Variants in CTNNA3 observed in about 807,000 individuals in gnomAD.
CTNNA3 encodes the protein catenin alpha-3.
Under a neutral mutation model 95.7 loss-of-function variants are expected in CTNNA3, and 76 were observed. The ratio of observed to expected loss-of-function variants is 0.79; its 90% CI spans 0.66 to 0.96. CTNNA3 has a LOEUF of 0.96. Among genes scored for constraint, CTNNA3 ranks in the 40% least tolerant of loss-of-function variants. The pLI, the probability that CTNNA3 is intolerant of heterozygous loss-of-function variation, is 0.00. For synonymous variants in CTNNA3, 431 were observed against 374.4 expected (o/e 1.15, Z -1.74); for missense variants, 1,191 against 1,089.8 (o/e 1.09, Z -1.31).
intron 7 of CTNNA3, among the ~76,000 whole-genome samples, chr10:66,902,252 G>C (rs1806283965): frequency 6.6e-6 from 1 of 152,166 alleles, no homozygotes; most frequent in Non-Finnish European, 1.5e-5. Flanking sequence ...CAGCTACATG[G>C]AAACTGAGCA....
intron 11 of CTNNA3, among the ~76,000 whole-genome samples, chr10:66,509,790 T>C (rs1648476753): frequency 6.6e-6 from 1 of 152,030 alleles, no homozygotes; most frequent in Non-Finnish European, 1.5e-5. Flanking sequence ...GTATTATATT[T>C]TGAACTATCT....
intron 13 of CTNNA3, among the ~76,000 whole-genome samples, chr10:66,105,008 T>C (rs2081829485): frequency 6.6e-6 from 1 of 152,232 alleles, no homozygotes; most frequent in African/African-American, 2.4e-5. Context: ...TAAACAGCAC[T>C]TTCTTTGTTC....
intron 11 of CTNNA3, among the ~76,000 whole-genome samples, chr10:66,457,772 G>A (rs1477257735): frequency 1.3e-5 from 2 of 152,042 alleles, no homozygotes; most frequent in African/African-American, 2.4e-5. Flanking sequence ...ATGTGATGAT[G>A]TATCATCAGT....
intron 14 of CTNNA3, among the ~76,000 whole-genome samples, chr10:66,098,336 C>A (rs1379585446): frequency 1.3e-5 from 2 of 152,090 alleles, no homozygotes; most frequent in South Asian, 2.1e-4. Flanking sequence ...GCCAAAAGAC[C>A]TGCGATTTGG....
At chr10:66,801,760 A>T (rs1841441019) in intron 7 of CTNNA3, among the ~76,000 whole-genome samples, 1 of 151,650 alleles carries the variant, frequency 6.6e-6, no homozygotes, top group African/African-American at 2.4e-5. Context: ...GCCAATTCTA[A>T]TTTTATGTGG....
At chr10:67,458,941 A>G (rs1392254766) in intron 5 of CTNNA3, among the ~76,000 whole-genome samples, 2 of 152,184 alleles carry the variant, frequency 1.3e-5, no homozygotes, top group African/African-American at 4.8e-5. Context: ...GACTTTCTCA[A>G]ACAACACTTT....
At chr10:67,171,791 A>G (rs1862033557) in intron 7 of CTNNA3, among the ~76,000 whole-genome samples, 1 of 152,116 alleles carries the variant, frequency 6.6e-6, no homozygotes, top group Non-Finnish European at 1.5e-5. Flanking sequence ...AGATAAATTA[A>G]TATATTTCAA....
At chr10:66,990,759 C>T (rs184584949) in intron 7 of CTNNA3, among the ~76,000 whole-genome samples, 6 of 152,278 alleles carry the variant, frequency 3.9e-5, no homozygotes, top group Admixed American at 3.3e-4. Flanking sequence ...TGTCTCACTA[C>T]TTGATAATGT....
At chr10:66,749,202 CAAAAAA>C (rs35568730) in intron 9 of CTNNA3, among the ~76,000 whole-genome samples, 13 of 50,884 alleles carry the variant, frequency 2.6e-4, no homozygotes, top group Admixed American at 2.1e-3. Flanking sequence ...AACTCCAACT[CAAAAAA>C]AAAAAAAAAA....
At chr10:66,007,020 C>T (rs1241024990) in intron 15 of CTNNA3, among the ~76,000 whole-genome samples, 1 of 152,052 alleles carries the variant, frequency 6.6e-6, no homozygotes, top group Non-Finnish European at 1.5e-5. Flanking sequence ...TGGCATGCCC[C>T]CCGCACCCCC....
chr10:67,570,166 A>C (rs1841935463), intron 3 of CTNNA3, among the ~76,000 whole-genome samples: 1 of 151,914 alleles, frequency 6.6e-6, no homozygotes, highest in African/African-American at 2.4e-5. Flanking sequence ...TTCGACATTT[A>C]TTTACTCATC....
At chr10:66,810,440 C>A (rs1224312291) in intron 7 of CTNNA3, among the ~76,000 whole-genome samples, 1 of 152,128 alleles carries the variant, frequency 6.6e-6, no homozygotes, top group Non-Finnish European at 1.5e-5. Flanking sequence ...AACCCCACAT[C>A]CAATCTGTCC....
chr10:67,353,212 C>T (rs1333414485), intron 5 of CTNNA3, among the ~76,000 whole-genome samples: 2 of 151,880 alleles, frequency 1.3e-5, no homozygotes, highest in Admixed American at 1.3e-4. Flanking sequence ...AGATTAGGTG[C>T]CATACAAGAC....
At chr10:66,882,567 G>A (rs150547922) in intron 7 of CTNNA3, among the ~76,000 whole-genome samples, 111 of 152,218 alleles carry the variant, frequency 7.3e-4, no homozygotes, top group African/African-American at 2.6e-3. Context: ...TTCCACCAAA[G>A]CAACATGGTA....
chr10:67,087,227 A>G (rs1342677913), intron 7 of CTNNA3, among the ~76,000 whole-genome samples: 1 of 152,046 alleles, frequency 6.6e-6, no homozygotes, highest in Non-Finnish European at 1.5e-5. Context: ...TTGGCACTAC[A>G]AAAATAAAAC....
rs1386349984 is a variant in CTNNA3 at position 65,957,791 on chromosome 10, C to G, written c.2400+8821G>C. Among the ~76,000 whole-genome samples the G allele has an allele frequency of 2.0e-5, 3 of 152,222 alleles. No homozygotes were observed. The East Asian group carries it at 5.8e-4, about 29-fold the overall frequency. On this transcript the variant is annotated intron_variant, in intron 17 of 17. Coordinates refer to ENST00000433211, the MANE Select transcript of CTNNA3 (RefSeq NM_013266.4). ...GATGGGCTTCCCTCTGTGGGTAACC[C>G]GACCTTTCTCTCTGGTTGCCCTTAA...
At chr10:67,167,093 C>T (rs890575509) in intron 7 of CTNNA3, among the ~76,000 whole-genome samples, 23 of 149,084 alleles carry the variant, frequency 1.5e-4, no homozygotes, top group East Asian at 3.9e-4. Context: ...GGTGACAGAA[C>T]GAGACTCCAT....
chr10:67,345,541 T>A (rs921706856), intron 5 of CTNNA3, among the ~76,000 whole-genome samples: 2 of 152,166 alleles, frequency 1.3e-5, no homozygotes, highest in African/African-American at 4.8e-5. Context: ...AATTGTTATA[T>A]CCTCTTGCTG....
chr10:67,119,831 A>C (rs2131989922), intron 7 of CTNNA3, among the ~76,000 whole-genome samples: 1 of 151,994 alleles, frequency 6.6e-6, no homozygotes, highest in Middle Eastern at 3.4e-3. Flanking sequence ...CATCGTATTT[A>C]TTTTTAAAGG....
Sources: allele counts gnomAD v4.1 joint callset (sites outside exome capture counted in the v4.1 genomes callset), GRCh38; gene constraint gnomAD v4.1.1; transcripts MANE v1.5; gene names NCBI Gene and HGNC (gene_info 2026-07-23, HGNC 2026-07-21).